FRMD4A: variants seen among roughly 807,000 people sequenced by gnomAD.
The protein encoded by FRMD4A is FERM domain-containing protein 4A.
A neutral mutation model predicts 129.1 loss-of-function variants in FRMD4A; 29 were observed. The ratio of observed to expected loss-of-function variants is 0.22; its 90% CI spans 0.17 to 0.31. The LOEUF (loss-of-function observed/expected upper bound fraction) is 0.31. Among genes scored for constraint, FRMD4A ranks in the 10% least tolerant of loss-of-function variants. FRMD4A has a pLI of 1.00. For missense variants in FRMD4A, 1,272 were observed against 1,375.8 expected (o/e 0.92, Z 1.19); for synonymous variants, 634 against 571.6 (o/e 1.11, Z -1.56).
rs1341023108 is a variant in FRMD4A at position 13,690,491 on chromosome 10, G to A, written c.1117+3407C>T. On this transcript the variant is annotated intron_variant, in intron 15 of 24. Coordinates refer to ENST00000357447, the MANE Select transcript of FRMD4A (RefSeq NM_018027.5). Reference sequence around the variant, plus strand: ...TGATGGAATGTTTCCTGTTTGCAGTGCGTCCCCCCACTGTCTTGGCCCTCC... The same window carrying A: ...TGATGGAATGTTTCCTGTTTGCAGTACGTCCCCCCACTGTCTTGGCCCTCC... Among the ~76,000 whole-genome samples the A allele has an allele frequency of 5.3e-5, 8 of 152,214 alleles. No individual in the cohort carries two copies. The South Asian group carries it at 1.7e-3, about 31-fold the overall frequency.
intron 2 of FRMD4A, among the ~76,000 whole-genome samples, chr10:14,194,354 T>G (rs1270590981): frequency 6.6e-6 from 1 of 152,166 alleles, no homozygotes; most frequent in East Asian, 1.9e-4. Flanking sequence ...TTCAGGCCTG[T>G]AATCCCAGCA....
At chr10:14,235,035 A>G (rs2131993762) in intron 2 of FRMD4A, among the ~76,000 whole-genome samples, 1 of 152,224 alleles carries the variant, frequency 6.6e-6, no homozygotes, top group African/African-American at 2.4e-5. Flanking sequence ...GCAGAGGTGG[A>G]AGGGGTAGTT....
At chr10:14,057,914 A>T (rs1834619180) in intron 2 of FRMD4A, among the ~76,000 whole-genome samples, 1 of 152,224 alleles carries the variant, frequency 6.6e-6, no homozygotes, top group South Asian at 2.1e-4. Flanking sequence ...TCTTGGAGCC[A>T]AATTCAGTTT....
At chr10:13,934,684 A>G (rs905875152) in intron 2 of FRMD4A, among the ~76,000 whole-genome samples, 1 of 152,224 alleles carries the variant, frequency 6.6e-6, no homozygotes, top group African/African-American at 2.4e-5. Flanking sequence ...ACATTTTTAC[A>G]TAAATAGCCT....
At chr10:14,048,515 T>C (rs1285048748) in intron 2 of FRMD4A, among the ~76,000 whole-genome samples, 1 of 152,040 alleles carries the variant, frequency 6.6e-6, no homozygotes, top group African/African-American at 2.4e-5. Flanking sequence ...CTGAGAAATA[T>C]GGTGGGTGGG....
intron 19 of FRMD4A, 39 bp from the exon 20 acceptor site, chr10:13,660,592 A>T (rs1172877716): frequency 1.5e-6 from 2 of 1,321,260 alleles, no homozygotes; most frequent in African/African-American, 1.4e-5. Context: ...AGCCCCGGTC[A>T]TCCTTCCCAC....
At chr10:13,713,790 A>G (rs2088290682) in intron 12 of FRMD4A, among the ~76,000 whole-genome samples, 1 of 131,394 alleles carries the variant, frequency 7.6e-6, no homozygotes, top group Admixed American at 9.1e-5. Context: ...ATATATATAC[A>G]TATATGTAAT....
chr10:14,197,065 C>T (rs1264353991), intron 2 of FRMD4A, among the ~76,000 whole-genome samples: 1 of 152,118 alleles, frequency 6.6e-6, no homozygotes, highest in Non-Finnish European at 1.5e-5. Flanking sequence ...CAGAAACATC[C>T]CGATGGATAT....
At chr10:14,074,113 A>C (rs999500357) in intron 2 of FRMD4A, among the ~76,000 whole-genome samples, 1 of 152,146 alleles carries the variant, frequency 6.6e-6, no homozygotes, top group Non-Finnish European at 1.5e-5. Flanking sequence ...AGTCTCAAAA[A>C]AAATTTTTTT....
chr10:14,321,526 G>T (rs1843050214), intron 2 of FRMD4A, among the ~76,000 whole-genome samples: 1 of 152,076 alleles, frequency 6.6e-6, no homozygotes, highest in Non-Finnish European at 1.5e-5. Context: ...GGTGGAGGAA[G>T]GGACCCTGGG....
chr10:14,283,562 G>A (rs1323488603), intron 2 of FRMD4A, among the ~76,000 whole-genome samples: 4 of 152,136 alleles, frequency 2.6e-5, no homozygotes, highest in African/African-American at 2.4e-5. Flanking sequence ...GGAAATCTGT[G>A]GATTGGCTCT....
chr10:13,703,384 A>G (rs575439867), intron 13 of FRMD4A, among the ~76,000 whole-genome samples: 1 of 152,332 alleles, frequency 6.6e-6, no homozygotes. Context: ...AAATGAAGCT[A>G]AGCATTGAGT....
chr10:14,330,271 G>A lies in FRMD4A; in HGVS notation c.-81-88C>T, dbSNP rs1321788164. On this transcript the variant is annotated intron_variant, in intron 1 of 24. Coordinates refer to ENST00000357447, the MANE Select transcript of FRMD4A (RefSeq NM_018027.5). ...ACCTTTCACACAGGGTGGGGAGGAG[G>A]TCAGGGAAGACAGGGTGGGAACTGT... is the stretch of plus-strand genomic sequence containing the variant. 1.4e-5 allele frequency: 9 copies of A among 647,710 alleles called. No individual in the cohort carries two copies. In the East Asian group the frequency reaches 2.5e-4, roughly 18 times the overall value. 40.1% of individuals were successfully genotyped at this position (647,710 alleles called of 1,614,324 possible). A position where few individuals can be genotyped will look rare whatever the true frequency, so the allele number is the denominator to read the frequency against.
intron 6 of FRMD4A, among the ~76,000 whole-genome samples, chr10:13,770,174 G>GC (rs1265061507): frequency 1.3e-5 from 2 of 151,980 alleles, no homozygotes; most frequent in South Asian, 2.1e-4. Flanking sequence ...ACGCAAATTT[G>GC]CCCCCGGGGC....
intron 5 of FRMD4A, among the ~76,000 whole-genome samples, chr10:13,788,043 C>G (rs2092910950): frequency 1.3e-5 from 2 of 152,144 alleles, no homozygotes; most frequent in South Asian, 4.1e-4. Context: ...AAGGCTATGT[C>G]TCGGATTCAG....
intron 2 of FRMD4A, among the ~76,000 whole-genome samples, chr10:14,141,935 C>A (rs1480329754): frequency 6.6e-6 from 1 of 152,018 alleles, no homozygotes; most frequent in Non-Finnish European, 1.5e-5. Flanking sequence ...AGGTCGATAG[C>A]CTAAAAAATC....
In FRMD4A at chr10:13,971,753, T is replaced by C. The variant is rs754266952; in HGVS notation, c.46-112841A>G. The C allele has an allele frequency of 3.1e-6, 4 of 1,304,316 alleles. No homozygotes were observed. The South Asian group carries it at 3.7e-5, about 12-fold the overall frequency. 80.8% of individuals were successfully genotyped at this position (1,304,316 alleles called of 1,614,324 possible). The stretch of plus-strand genomic sequence containing the variant: ...GGTCCTCAGCGCCCGACAAGTCAGG[T>C]TCCAACTCCACGGTGGGTCCTCAGA... On this transcript the variant is annotated intron_variant, in intron 2 of 24. Transcript: ENST00000357447.
At chr10:14,068,172 T>C (rs1275995668) in intron 2 of FRMD4A, among the ~76,000 whole-genome samples, 1 of 152,202 alleles carries the variant, frequency 6.6e-6, no homozygotes, top group Admixed American at 6.5e-5. Flanking sequence ...GATTATGCTA[T>C]GAAGTCAATC....
intron 2 of FRMD4A, among the ~76,000 whole-genome samples, chr10:14,282,949 A>T (rs4750504): frequency 0.24 from 36,741 of 152,122 alleles, 5,311 homozygotes; most frequent in Non-Finnish European, 0.31. Context: ...CAACCAGAAA[A>T]AGTGGTTTCC....
Sources: gnomAD v4.1 joint callset for allele counts (sites outside exome capture counted in the v4.1 genomes callset) on GRCh38, gnomAD v4.1.1 for gene constraint, MANE v1.5 for transcripts, NCBI Gene and HGNC (gene_info 2026-07-23, HGNC 2026-07-21) for gene names.